The following FHIT variants were observed in gnomAD, a reference collection of about 807,000 sequenced individuals.
FHIT encodes fragile histidine triad diadenosine triphosphatase, also known as bis(5'-adenosyl)-triphosphatase.
In FHIT, 19 loss-of-function variants were observed where a neutral mutation model predicts 17.9. That is an observed-to-expected ratio of 1.06 (90% CI 0.74 to 1.56). The LOEUF is 1.56. Ranked by LOEUF, FHIT falls within the 40% of genes most tolerant of loss-of-function variation. The pLI is 0.00. For missense variants in FHIT, 248 were observed against 189.2 expected (o/e 1.31, Z -1.82); for synonymous variants, 81 against 69.7 (o/e 1.16, Z -0.81).
At chr3:61,166,007 G>A (rs989442189) in intron 2 of FHIT, among the ~76,000 whole-genome samples, 1 of 152,148 alleles carries the variant, frequency 6.6e-6, no homozygotes, top group African/African-American at 2.4e-5. Context: ...CCCAGGGTTG[G>A]AAGAAACTGT....
chr3:60,077,740 G>GACAGA (rs749903107), intron 5 of FHIT, among the ~76,000 whole-genome samples: 2 of 46,964 alleles, frequency 4.3e-5, no homozygotes, highest in African/African-American at 1.2e-4. Flanking sequence ...ATATATAGAG[G>GACAGA]GGGGGGGGAG....
At chr3:60,106,029 T>C (rs1229146922) in intron 5 of FHIT, among the ~76,000 whole-genome samples, 6 of 152,196 alleles carry the variant, frequency 3.9e-5, no homozygotes, top group Admixed American at 1.3e-4. Context: ...CTGAGTAGTG[T>C]GATGAAATCT....
chr3:60,462,685 T>A (rs1041660079), intron 5 of FHIT, among the ~76,000 whole-genome samples: 1 of 151,718 alleles, frequency 6.6e-6, no homozygotes, highest in Admixed American at 6.6e-5. Flanking sequence ...ACAGAGAACA[T>A]AGGAGGGTGG....
At chr3:60,660,727 C>CTTTTTTTTTTTT (rs1220817643) in intron 4 of FHIT, among the ~76,000 whole-genome samples, 23 of 16,742 alleles carry the variant, frequency 1.4e-3, no homozygotes, top group African/African-American at 2.5e-3. Flanking sequence ...TTTTATTGTG[C>CTTTTTTTTTTTT]TCTTTTTTTT....
At chr3:60,860,116 TATAA>T (rs1703585245) in intron 3 of FHIT, among the ~76,000 whole-genome samples, 1 of 147,530 alleles carries the variant, frequency 6.8e-6, no homozygotes, top group African/African-American at 2.5e-5. Flanking sequence ...ATATATGATA[TATAA>T]ATGATATATC....
intron 3 of FHIT, among the ~76,000 whole-genome samples, chr3:60,921,409 G>A (rs1473079888): frequency 6.6e-6 from 1 of 152,168 alleles, no homozygotes; most frequent in Non-Finnish European, 1.5e-5. Flanking sequence ...AAGAAAAACA[G>A]AGAAGTGAAG....
intron 3 of FHIT, among the ~76,000 whole-genome samples, chr3:60,955,635 C>CATATATATATATATATACAT (rs1553778580): frequency 2.1e-5 from 1 of 48,344 alleles, no homozygotes; most frequent in Non-Finnish European, 4.4e-5. Flanking sequence ...TATATATATA[C>CATATATATATATATATACAT]ACACACACAC....
intron 5 of FHIT, among the ~76,000 whole-genome samples, chr3:60,480,532 T>G (rs1289502384): frequency 6.6e-6 from 1 of 152,144 alleles, no homozygotes; most frequent in Non-Finnish European, 1.5e-5. Context: ...AAAAACAAGT[T>G]AGTTACTTAC....
chr3:60,516,833 A>G (rs1457422643), intron 5 of FHIT, among the ~76,000 whole-genome samples: 2 of 152,178 alleles, frequency 1.3e-5, no homozygotes, highest in Non-Finnish European at 2.9e-5. Context: ...GGATCACTTG[A>G]GCGAAAGTGA....
chr3:60,522,360 T>A (rs2035404953), intron 5 of FHIT, among the ~76,000 whole-genome samples: 1 of 152,176 alleles, frequency 6.6e-6, no homozygotes, highest in East Asian at 1.9e-4. Flanking sequence ...ATCACCTGCC[T>A]CAGCCTCCCA....
At chr3:60,700,524 G>A (rs1306454074) in intron 4 of FHIT, among the ~76,000 whole-genome samples, 1 of 150,576 alleles carries the variant, frequency 6.6e-6, no homozygotes, top group Non-Finnish European at 1.5e-5. Context: ...CTGTTTTTAT[G>A]TTAATGTTAT....
intron 4 of FHIT, among the ~76,000 whole-genome samples, chr3:60,788,733 CAAAT>C (rs1700670113): frequency 6.6e-6 from 1 of 152,048 alleles, no homozygotes; most frequent in African/African-American, 2.4e-5. Context: ...ACACTTCATG[CAAAT>C]AAATACATGT....
At chr3:61,099,639 T>C (rs1194230277) in intron 2 of FHIT, among the ~76,000 whole-genome samples, 3 of 152,176 alleles carry the variant, frequency 2.0e-5, no homozygotes, top group Non-Finnish European at 4.4e-5. Flanking sequence ...TGATTCAGTC[T>C]TGGGTGGGTG....
intron 4 of FHIT, chr3:60,617,385 C>A: frequency 5.0e-6 from 1 of 200,546 alleles, no homozygotes; most frequent in East Asian, 1.2e-4. Context: ...ACCAATGTCC[C>A]TTGTACCTTT....
At position 60,221,502 on chromosome 3, in the gene FHIT, T is replaced by A. The variant is rs561014406; in HGVS notation, c.104-207350A>T. 2.0e-5 allele frequency among the ~76,000 whole-genome samples: 3 copies of A among 152,292 alleles called. No homozygotes were observed. In the East Asian group the frequency reaches 5.8e-4, roughly 29 times the overall value. On this transcript the variant is annotated intron_variant, in intron 5 of 9. Transcript: ENST00000492590. ...AAAATATCAGATCGTATCACATTACTCTTCAGCTAAAAGTACTCCAGTGGC... is the reference window on the plus strand; with the variant it reads ...AAAATATCAGATCGTATCACATTACACTTCAGCTAAAAGTACTCCAGTGGC...
At chr3:61,050,018 T>C (rs2033967615) in intron 2 of FHIT, among the ~76,000 whole-genome samples, 2 of 152,230 alleles carry the variant, frequency 1.3e-5, no homozygotes, top group African/African-American at 2.4e-5. Flanking sequence ...ATATGTCCAA[T>C]CATACTTCAC....
intron 4 of FHIT, among the ~76,000 whole-genome samples, chr3:60,724,439 A>G (rs2041872553): frequency 6.6e-6 from 1 of 152,200 alleles, no homozygotes; most frequent in Admixed American, 6.5e-5. Flanking sequence ...GCTACTATGA[A>G]CATTTGCATA....
chr3:61,208,371 G>C (rs1409726405), intron 1 of FHIT, among the ~76,000 whole-genome samples: 1 of 152,088 alleles, frequency 6.6e-6, no homozygotes, highest in African/African-American at 2.4e-5. Flanking sequence ...GGATATCCTT[G>C]TTAACTTTCT....
chr3:60,568,943 A>C (rs1407401890), intron 4 of FHIT, among the ~76,000 whole-genome samples: 2 of 152,146 alleles, frequency 1.3e-5, no homozygotes, highest in African/African-American at 4.8e-5. Flanking sequence ...TTTTTCAAGA[A>C]AACACATTTA....
Sources: allele counts gnomAD v4.1 joint callset (sites outside exome capture counted in the v4.1 genomes callset), GRCh38; gene constraint gnomAD v4.1.1; transcripts MANE v1.5; gene names NCBI Gene and HGNC (gene_info 2026-07-23, HGNC 2026-07-21).